The following CAMK1D variants were observed in gnomAD, a reference collection of about 807,000 sequenced individuals.
The protein encoded by CAMK1D is calcium/calmodulin dependent protein kinase ID.
Under a neutral mutation model 47.7 loss-of-function variants are expected in CAMK1D, and 9 were observed. The ratio of observed to expected loss-of-function variants is 0.19; its 90% CI spans 0.11 to 0.33. CAMK1D has a LOEUF of 0.33. Ranked by LOEUF, CAMK1D falls within the 10% of genes least tolerant of loss-of-function variation. The probability of loss-of-function intolerance (pLI) is 1.00; values close to 1 mark genes in which losing one functional copy is unlikely to be tolerated. For missense variants in CAMK1D, 291 were observed against 488.7 expected, an observed-to-expected ratio of 0.60 and a Z score of 3.81; for synonymous variants, 184 against 184.9, an observed-to-expected ratio of 0.99 and a Z score of 0.04.
At chr10:12,672,270 G>A (rs12251362) in intron 3 of CAMK1D, among the ~76,000 whole-genome samples, 79,594 of 151,794 alleles carry the variant, frequency 0.52, 21,150 homozygotes, top group Non-Finnish European at 0.55. Context: ...TAGTGGGGAT[G>A]ATGTTCATTT....
intron 1 of CAMK1D, among the ~76,000 whole-genome samples, chr10:12,401,265 T>C (rs1480506702): frequency 2.5e-5 from 1 of 40,514 alleles, no homozygotes; most frequent in South Asian, 6.3e-4. Flanking sequence ...ATGTATTATA[T>C]ATATTATGTA....
At chr10:12,731,234 T>C (rs569902548) in intron 3 of CAMK1D, among the ~76,000 whole-genome samples, 152 of 152,300 alleles carry the variant, frequency 1.0e-3, no homozygotes, top group African/African-American at 3.3e-3. Context: ...CAAGATTGGC[T>C]GTAGAAGGAT....
At chr10:12,543,434 T>G (rs951269935) in intron 1 of CAMK1D, among the ~76,000 whole-genome samples, 4 of 152,188 alleles carry the variant, frequency 2.6e-5, no homozygotes, top group African/African-American at 9.7e-5. Flanking sequence ...TAGAAACAGA[T>G]TCTCATTTCC....
chr10:12,350,082 C>T (rs1837304868), intron 1 of CAMK1D, among the ~76,000 whole-genome samples, 172 bp downstream of exon 1: 1 of 151,962 alleles, frequency 6.6e-6, no homozygotes. Flanking sequence ...ACGCGTGGGC[C>T]TGCGACCCCC....
chr10:12,673,468 T>C (rs1328616306), intron 3 of CAMK1D, among the ~76,000 whole-genome samples: 1 of 152,228 alleles, frequency 6.6e-6, no homozygotes, highest in Non-Finnish European at 1.5e-5. Context: ...AAAAATATAA[T>C]TGATTTTTGT....
chr10:12,520,274 G>A lies in CAMK1D; in HGVS notation c.93-32951G>A, dbSNP rs1835364593. On this transcript the variant is annotated intron_variant, in intron 1 of 10. Coordinates refer to ENST00000619168, the MANE Select transcript of CAMK1D (RefSeq NM_153498.4). Reference sequence around the variant, plus strand: ...GACAGGGTTGCGGCCCAGCAGAGGCGCTCCTCACATCCTAGACAGGGCGGC... The same window carrying A: ...GACAGGGTTGCGGCCCAGCAGAGGCACTCCTCACATCCTAGACAGGGCGGC... 2.4e-5 allele frequency among the ~76,000 whole-genome samples: 2 copies of A among 83,712 alleles called. 1 individual carries two copies. The highest frequency in any genetic ancestry group is 2.4e-4 in the Admixed American group (2 of 8,508). The allele number at this position is 83,712 out of a possible 152,430, so 54.9% of individuals were successfully genotyped here. A position where few individuals can be genotyped will look rare whatever the true frequency, so the allele number is the denominator to read the frequency against.
intron 5 of CAMK1D, among the ~76,000 whole-genome samples, chr10:12,786,808 G>A (rs550500803): frequency 1.6e-3 from 237 of 152,338 alleles, no homozygotes; most frequent in African/African-American, 5.4e-3. Context: ...TTTAAGTGTA[G>A]TTAGTCTGTG....
Position 12,666,815 on chromosome 10 carries a change from G to GTACCT in CAMK1D, c.299+7_299+11dup. On this transcript the variant is annotated splice_donor_region_variant and intron_variant, in intron 3 of 10. Transcript: ENST00000619168. ...CCTGTACTTGGTCATGCAGCTGTAA[G>GTACCT]TACCTTGTTTGATTGATGAGTTTTG... The GTACCT allele has an allele frequency of 6.2e-7, 1 of 1,610,358 alleles. No individual in the cohort carries two copies. The highest frequency in any genetic ancestry group is 8.5e-7 in the Non-Finnish European group (1 of 1,176,840).
intron 1 of CAMK1D, among the ~76,000 whole-genome samples, chr10:12,367,682 C>T (rs1837877347): frequency 6.6e-6 from 1 of 152,096 alleles, no homozygotes; most frequent in Non-Finnish European, 1.5e-5. Flanking sequence ...GCACAGTTCA[C>T]AACAGGGCTT....
chr10:12,656,983 A>G (rs922580700), intron 2 of CAMK1D, among the ~76,000 whole-genome samples: 40 of 152,254 alleles, frequency 2.6e-4, no homozygotes, highest in Admixed American at 2.0e-4. Context: ...TCTTGCAGTT[A>G]GATGTATCAG....
intron 3 of CAMK1D, among the ~76,000 whole-genome samples, chr10:12,674,523 C>T (rs1840732548): frequency 6.7e-6 from 1 of 148,992 alleles, no homozygotes. Flanking sequence ...AGATTTGTTC[C>T]TGTACTGCTG....
chr10:12,501,676 G>A (rs529235485), intron 1 of CAMK1D, among the ~76,000 whole-genome samples: 3 of 152,288 alleles, frequency 2.0e-5, no homozygotes, highest in Admixed American at 2.0e-4. Flanking sequence ...GGGGACATTT[G>A]GTGACATCTG....
intron 5 of CAMK1D, among the ~76,000 whole-genome samples, chr10:12,780,647 G>A (rs1429645078): frequency 3.3e-5 from 5 of 152,186 alleles, no homozygotes; most frequent in Non-Finnish European, 7.3e-5. Context: ...ACTCCTCGAT[G>A]TGGTTGCTCC....
intron 1 of CAMK1D, among the ~76,000 whole-genome samples, chr10:12,414,058 A>G (rs1431629421): frequency 2.6e-5 from 4 of 152,204 alleles, no homozygotes; most frequent in South Asian, 2.1e-4. Flanking sequence ...AAGATTTAGC[A>G]ACTCTCATCC....
chr10:12,479,686 G>A (rs995077048), intron 1 of CAMK1D, among the ~76,000 whole-genome samples: 2 of 152,170 alleles, frequency 1.3e-5, no homozygotes, highest in Non-Finnish European at 2.9e-5. Context: ...TCAGGAGCCC[G>A]CAGCAGAGGG....
chr10:12,801,366 C>CT (rs1838463113), intron 6 of CAMK1D, among the ~76,000 whole-genome samples: 1 of 130,788 alleles, frequency 7.6e-6, no homozygotes, highest in Admixed American at 7.4e-5. Context: ...ATCTATCTAT[C>CT]TATCTATCTA....
chr10:12,734,435 C>G (rs867459255), intron 3 of CAMK1D, among the ~76,000 whole-genome samples: 4 of 28,722 alleles, frequency 1.4e-4, no homozygotes, highest in African/African-American at 4.9e-4. Context: ...TATATATATA[C>G]ACACACACAT....
At chr10:12,572,094 G>A (rs1176633359) in intron 2 of CAMK1D, among the ~76,000 whole-genome samples, 1 of 148,610 alleles carries the variant, frequency 6.7e-6, no homozygotes, top group Non-Finnish European at 1.5e-5. Flanking sequence ...AGCAGAATTG[G>A]TACCAAATTT....
At chr10:12,518,369 TC>T (rs1205473116) in intron 1 of CAMK1D, among the ~76,000 whole-genome samples, 1 of 152,232 alleles carries the variant, frequency 6.6e-6, no homozygotes, top group Non-Finnish European at 1.5e-5. Context: ...TTTGCTCACA[TC>T]TGATTGGAGT....
Sources: gnomAD v4.1 joint callset for allele counts (sites outside exome capture counted in the v4.1 genomes callset) on GRCh38, gnomAD v4.1.1 for gene constraint, MANE v1.5 for transcripts, NCBI Gene and HGNC (gene_info 2026-07-23, HGNC 2026-07-21) for gene names.